CASP8: variants seen among roughly 807,000 people sequenced by gnomAD.
CASP8 encodes the protein caspase 8, also known as caspase-8.
Under a neutral mutation model 46.3 loss-of-function variants are expected in CASP8, and 24 were observed. The ratio of observed to expected loss-of-function variants is 0.52; its 90% CI spans 0.38 to 0.73. The LOEUF is 0.73. Among genes scored for constraint, CASP8 ranks in the 30% least tolerant of loss-of-function variants. The pLI, the probability that CASP8 is intolerant of heterozygous loss-of-function variation, is 0.00. For missense variants in CASP8, 460 were observed against 559.0 expected, an observed-to-expected ratio of 0.82 and a Z score of 1.79; for synonymous variants, 188 against 200.4, an observed-to-expected ratio of 0.94 and a Z score of 0.52.
At chr2:201,281,843 T>C in intron 7 of CASP8, 2 of 1,464,558 alleles carry the variant, frequency 1.4e-6, no homozygotes, top group South Asian at 1.2e-5. Context: ...GGTTTGAGAA[T>C]GTTTTTAGCT....
rs1221252186 is a variant in CASP8, at chr2:201,272,715, C to G, written c.489C>G (p.Val163=). 6.2e-7 allele frequency: 1 copy of G among 1,614,148 alleles called. No homozygotes were observed. Among genetic ancestry groups the G allele is most frequent in the Non-Finnish European group, 8.5e-7 (1 of 1,179,990 alleles). ...GAAAGTTGGACATCCTGAAAAGAGT[C>G]TGTGCCCAAATCAACAAGAGCCTGC... ...GEGKLDILKR[V]CAQINKSLLK... The change falls in exon 4 of 9, where the codon GTC becomes GTG. Residue 163 remains valine (V), a synonymous_variant. Coordinates refer to ENST00000673742, the MANE Select transcript of CASP8 (RefSeq NM_001372051.1). This position sits in a 1 kb window ranked among gnomAD's most constrained non-coding sequence, Gnocchi z 4.4.
chr2:201,257,693 C>CT (rs1354740962), upstream of CASP8, among the ~76,000 whole-genome samples: 1 of 152,154 alleles, frequency 6.6e-6, no homozygotes, highest in Admixed American at 6.5e-5. Context: ...ACACTTCCTC[C>CT]TTTTTTCTGA....
rs546008888 is a variant in CASP8, at chr2:201,238,925, T to C, written c.-27+4813T>C. ...CAGAGGACCCTGCGGCCTTCCGCAG[T>C]GTTTGTGTCCCTGGGTACTTGAGAT... On this transcript the variant is annotated intron_variant, in intron 2 of 6. Transcript: ENST00000264274. Among the ~76,000 whole-genome samples the C allele has an allele frequency of 2.6e-3, 399 of 152,102 alleles. 3 individuals carry two copies. The highest frequency in any genetic ancestry group is 9.1e-3 in the African/African-American group (376 of 41,488).
In CASP8 at chr2:201,243,392, A is replaced by G. The variant is rs377272264; in HGVS notation, c.-27+9280A>G. ...TTTCTGTTATTGAGGCAGCTATAGG[A>G]TATAGAAGAGATTTCCCAACTCACT... On this transcript the variant is annotated intron_variant, in intron 2 of 6. Transcript: ENST00000264274. Among the ~76,000 whole-genome samples, 5 of 152,356 alleles carry G rather than the reference A, an allele frequency of 3.3e-5. No individual in the cohort carries two copies. The South Asian group carries it at 6.2e-4, about 19-fold the overall frequency.
At chr2:201,257,842 A>G (rs1299784241), upstream of CASP8, 2 of 298,898 alleles carry the variant, frequency 6.7e-6, no homozygotes, top group East Asian at 1.9e-4. Context: ...TTTGCAAGAA[A>G]GAATGGCATA....
At position 201,285,142 on chromosome 2, in the gene CASP8, G is replaced by A. The variant is rs1576390129; in HGVS notation, c.1129G>A (p.Glu377Lys). Residue 377 changes from glutamate to lysine, a missense_variant, in exon 8 of 9, where the codon GAG (glutamate) becomes AAG (lysine). Glu to Lys is a moderately conservative substitution (Grantham distance 56). Coordinates refer to ENST00000673742, the MANE Select transcript of CASP8 (RefSeq NM_001372051.1). ...KGIPVETDSE[E>K]QPYLEMDLSS... ...TATACCTGTTGAGACTGATTCAGAGGAGCAACCCTATTTAGAAATGGATTT... is the reference window on the plus strand; with the variant it reads ...TATACCTGTTGAGACTGATTCAGAGAAGCAACCCTATTTAGAAATGGATTT... The A allele has an allele frequency of 6.2e-7, 1 of 1,614,148 alleles. No homozygotes were observed.
At chr2:201,276,159 A>T (rs533370386) in intron 6 of CASP8, among the ~76,000 whole-genome samples, 4 of 152,198 alleles carry the variant, frequency 2.6e-5, no homozygotes, top group Non-Finnish European at 5.9e-5. Context: ...CAGCCCTAGG[A>T]GAATGAATAG....
chr2:201,283,143 G>T (rs1324468500), intron 7 of CASP8, among the ~76,000 whole-genome samples: 58 of 58,986 alleles, frequency 9.8e-4, no homozygotes, highest in African/African-American at 3.0e-3. Context: ...GGGCAGAGGG[G>T]CTCCTCACTT....
rs1271087997 is a variant in CASP8 at position 201,286,344 on chromosome 2, A to G, written c.1305-115A>G. 4.5e-6 allele frequency: 6 copies of G among 1,331,008 alleles called. No homozygotes were observed. The East Asian group carries it at 1.4e-4, about 31-fold the overall frequency. 82.4% of individuals were successfully genotyped at this position (1,331,008 alleles called of 1,614,324 possible). On this transcript the variant is annotated intron_variant, in intron 8 of 8. Coordinates refer to ENST00000673742, the MANE Select transcript of CASP8 (RefSeq NM_001372051.1). The stretch of plus-strand genomic sequence containing the variant: ...TTGGTTTCGCACCTTATTGTTTCAA[A>G]TGACTGATATTTTGAGAGAAAGAAC...
intron 2 of CASP8, among the ~76,000 whole-genome samples, chr2:201,245,864 C>CTTTTTTTT (rs60096366): frequency 1.1e-4 from 14 of 124,416 alleles, no homozygotes; most frequent in African/African-American, 4.3e-4. Context: ...CTTGTTTGTT[C>CTTTTTTTT]TTTTTTTTTT....
chr2:201,248,807 T>A (rs1415199136), intron 2 of CASP8, among the ~76,000 whole-genome samples: 1 of 152,226 alleles, frequency 6.6e-6, no homozygotes, highest in Non-Finnish European at 1.5e-5. Context: ...TTTTTCCCCT[T>A]ATGGTCAGCA....
At position 201,272,787 on chromosome 2, in the gene CASP8, C is replaced by T. The variant is rs1559358136; in HGVS notation, c.550+11C>T. On this transcript the variant is annotated intron_variant, in intron 4 of 8. Transcript: ENST00000673742. The surrounding 1 kb of genome is among the most constrained non-coding windows in gnomAD (Gnocchi z 4.4). ...AAGAATTCAGCAAAGGTAGAAACAA[C>T]CTGACAGCCGGGAATCGGCAAAACC... The T allele has an allele frequency of 1.2e-6, 2 of 1,614,166 alleles. No homozygotes were observed. Among genetic ancestry groups the T allele is most frequent in the Non-Finnish European group, 1.7e-6 (2 of 1,180,022 alleles).
At chr2:201,265,366 C>G (rs1456211859) in intron 1 of CASP8, among the ~76,000 whole-genome samples, 1 of 122,364 alleles carries the variant, frequency 8.2e-6, no homozygotes, top group Non-Finnish European at 1.8e-5. Flanking sequence ...CAGAGCAAGA[C>G]TGGGTCTCAA....
chr2:201,251,169 G>A (rs1238869486), intron 2 of CASP8, among the ~76,000 whole-genome samples: 2 of 152,194 alleles, frequency 1.3e-5, no homozygotes, highest in African/African-American at 2.4e-5. Flanking sequence ...GGACATCTTG[G>A]TTGCTTCCAA....
Position 201,266,761 on chromosome 2 carries a change from C to T in CASP8, c.275C>T (p.Thr92Ile), listed in dbSNP as rs752076963. The T allele has an allele frequency of 6.2e-7, 1 of 1,613,206 alleles. No individual in the cohort carries two copies. The highest frequency in any genetic ancestry group is 2.2e-5 in the East Asian group (1 of 44,886). ...RKEEMERELQ[T>I]PGRAQISAYR... Reference sequence around the variant, plus strand: ...GAGGAGATGGAAAGGGAACTTCAGACACCAGGCAGGGCTCAAATTTCTGCC... The same window carrying T: ...GAGGAGATGGAAAGGGAACTTCAGATACCAGGCAGGGCTCAAATTTCTGCC... The change falls in exon 2 of 9, where the codon ACA (threonine) becomes ATA (isoleucine). Residue 92 changes from threonine (T) to isoleucine (I), a missense_variant. Coordinates refer to ENST00000673742, the MANE Select transcript of CASP8 (RefSeq NM_001372051.1). This position sits in a 1 kb window ranked among gnomAD's most constrained non-coding sequence, Gnocchi z 5.7.
intron 2 of CASP8, chr2:201,269,556 C>G: frequency 6.2e-7 from 1 of 1,613,618 alleles, no homozygotes; most frequent in South Asian, 1.1e-5. Context: ...CAGCCAGTGC[C>G]AGACACAGTC....
chr2:201,261,030 T>C (rs1359045081), intron 1 of CASP8, among the ~76,000 whole-genome samples: 1 of 152,088 alleles, frequency 6.6e-6, no homozygotes, highest in Non-Finnish European at 1.5e-5. Flanking sequence ...CTTGCCAACA[T>C]AAACGCACAC....
Position 201,271,566 on chromosome 2 carries a change from CTTTT to C in CASP8, c.357_360del (p.Phe120SerfsTer17). On this transcript the variant is annotated frameshift_variant, in exon 3 of 9. Coordinates refer to ENST00000673742, the MANE Select transcript of CASP8 (RefSeq NM_001372051.1). LOFTEE classifies it high-confidence loss of function. ...GAAGTGAGCAGATCAGAATTGAGGT[CTTTT>C]AAGTTTCTTTTGCAAGAGGAAATCT... 2 of 1,612,004 alleles carry C rather than the reference CTTTT, an allele frequency of 1.2e-6. No homozygotes were observed. Among genetic ancestry groups the C allele is most frequent in the Non-Finnish European group, 1.7e-6 (2 of 1,178,028 alleles).
intron 2 of CASP8, chr2:201,242,449 G>T (rs1414601333): frequency 6.6e-6 from 1 of 152,142 alleles, no homozygotes. Flanking sequence ...TTAGGGTGAT[G>T]GAGCGCTCTG....
Sources: gnomAD v4.1 joint callset for allele counts (sites outside exome capture counted in the v4.1 genomes callset) on GRCh38, gnomAD v4.1.1 for gene constraint, Gnocchi (gnomAD v3.1) non-coding constraint, MANE v1.5 for transcripts, NCBI Gene and HGNC (gene_info 2026-07-23, HGNC 2026-07-21) for gene names.